The following P2RX7 variants were observed in gnomAD, a reference collection of about 807,000 sequenced individuals.
P2RX7 encodes purinergic receptor P2X 7, also known as P2X purinoceptor 7.
Under a neutral mutation model 71.6 loss-of-function variants are expected in P2RX7, and 62 were observed. The ratio of observed to expected loss-of-function variants is 0.87; its 90% CI spans 0.71 to 1.07. P2RX7 has a LOEUF of 1.07. Ranked by LOEUF, P2RX7 falls within the 50% of genes least tolerant of loss-of-function variation. The pLI, the probability that P2RX7 is intolerant of heterozygous loss-of-function variation, is 0.00. For synonymous variants in P2RX7, 299 were observed against 283.3 expected (o/e 1.06, Z -0.56); for missense variants, 686 against 748.5 (o/e 0.92, Z 0.97).
intron 5 of P2RX7, among the ~76,000 whole-genome samples, chr12:121,163,702 C>A (rs573658904): frequency 6.6e-6 from 1 of 152,290 alleles, no homozygotes; most frequent in African/African-American, 2.4e-5. Flanking sequence ...AAGCGATCCT[C>A]CTGCCTTGGC....
chr12:121,164,185 G>A (rs1311543364), intron 5 of P2RX7, among the ~76,000 whole-genome samples: 1 of 152,106 alleles, frequency 6.6e-6, no homozygotes, highest in Non-Finnish European at 1.5e-5. Context: ...CTGCCTCTGG[G>A]CTGGATTTTG....
At chr12:121,161,039 G>A (rs1879571669) in intron 4 of P2RX7, 65 bp downstream of exon 4, 6 of 1,220,658 alleles carry the variant, frequency 4.9e-6, no homozygotes. Flanking sequence ...TGACATTTGT[G>A]ATGCCCAGGT....
chr12:121,180,083 AG>A (rs1237245380), intron 11 of P2RX7, among the ~76,000 whole-genome samples: 1 of 138,784 alleles, frequency 7.2e-6, no homozygotes, highest in African/African-American at 2.7e-5. Flanking sequence ...TGGGAGGCGG[AG>A]GTTGCAGTGA....
chr12:121,155,490 C>A, intron 2 of P2RX7: 1 of 951,830 alleles, frequency 1.1e-6, no homozygotes, highest in Non-Finnish European at 1.4e-6. Context: ...GCAGAATTGC[C>A]AAAAAAGAGA....
chr12:121,163,644 GA>G (rs1880380860), intron 5 of P2RX7, among the ~76,000 whole-genome samples: 1 of 116,776 alleles, frequency 8.6e-6, no homozygotes, highest in African/African-American at 3.2e-5. Context: ...TAGATAGATA[GA>G]TAGAGTTTTG....
intron 5 of P2RX7, among the ~76,000 whole-genome samples, chr12:121,163,358 GCA>G (rs1352653146): frequency 3.1e-4 from 31 of 100,488 alleles, no homozygotes; most frequent in East Asian, 1.5e-3. Flanking sequence ...ACACACACAC[GCA>G]CACACACACA....
chr12:121,158,126 C>T lies in P2RX7; in HGVS notation c.363+1979C>T, dbSNP rs138703944. 2.0e-3 allele frequency among the ~76,000 whole-genome samples: 302 copies of T among 152,226 alleles called. 2 individuals are homozygous for T. The highest frequency in any genetic ancestry group is 5.6e-3 in the African/African-American group (234 of 41,540). On this transcript the variant is annotated intron_variant, in intron 3 of 12. Transcript: ENST00000328963. The stretch of plus-strand genomic sequence containing the variant: ...AACACCCCTCTATCTCGGGTTGTCT[C>T]GGTAAATATGACCAAGTTCCAGTTA...
chr12:121,143,081 CAA>C (rs76972263), intron 1 of P2RX7, among the ~76,000 whole-genome samples: 10 of 123,454 alleles, frequency 8.1e-5, no homozygotes, highest in Admixed American at 8.3e-5. Flanking sequence ...GACTTCATCT[CAA>C]AAAAAAAAAA....
At chr12:121,172,327 C>G (rs140224844) in intron 8 of P2RX7, among the ~76,000 whole-genome samples, 1 of 152,156 alleles carries the variant, frequency 6.6e-6, no homozygotes, top group Non-Finnish European at 1.5e-5. Context: ...TGCTTGCTTG[C>G]GAATTAAAAA....
chr12:121,156,391 C>A (rs552713696), intron 3 of P2RX7, among the ~76,000 whole-genome samples: 2 of 152,320 alleles, frequency 1.3e-5, no homozygotes, highest in East Asian at 3.9e-4. Flanking sequence ...GCACTAGGGA[C>A]CCGTGCAGAC....
intron 9 of P2RX7, among the ~76,000 whole-genome samples, chr12:121,175,691 C>A (rs997983096): frequency 6.6e-5 from 10 of 152,032 alleles, no homozygotes; most frequent in Non-Finnish European, 1.5e-4. Flanking sequence ...GAAAGCAATT[C>A]TAACATTCGG....
intron 1 of P2RX7, among the ~76,000 whole-genome samples, chr12:121,145,792 C>G (rs1263276585): frequency 6.6e-6 from 1 of 152,140 alleles, no homozygotes; most frequent in Non-Finnish European, 1.5e-5. Context: ...AGGCGTGAGC[C>G]ACCGTACCCG....
At chr12:121,137,926 C>T (rs1874040354) in intron 1 of P2RX7, among the ~76,000 whole-genome samples, 1 of 152,180 alleles carries the variant, frequency 6.6e-6, no homozygotes, top group African/African-American at 2.4e-5. Context: ...GGATACAAAG[C>T]AGGGACTGGT....
intron 1 of P2RX7, among the ~76,000 whole-genome samples, chr12:121,152,463 G>A (rs1012461957): frequency 5.3e-5 from 8 of 152,026 alleles, no homozygotes; most frequent in Non-Finnish European, 8.8e-5. Context: ...AGAGTAGCTG[G>A]GACTACAGGC....
intron 3 of P2RX7, among the ~76,000 whole-genome samples, chr12:121,158,836 G>A (rs1348843300): frequency 6.6e-6 from 1 of 152,150 alleles, no homozygotes. Context: ...CTTTCCATGA[G>A]CCACAATGAA....
At chr12:121,134,495 G>C (rs577846834) in intron 1 of P2RX7, among the ~76,000 whole-genome samples, 1 of 152,240 alleles carries the variant, frequency 6.6e-6, no homozygotes, top group South Asian at 2.1e-4. Context: ...CGGTTCAAGC[G>C]ATTCTCCTGC....
intron 5 of P2RX7, among the ~76,000 whole-genome samples, chr12:121,164,928 C>T (rs1235251035): frequency 6.6e-6 from 1 of 152,182 alleles, no homozygotes; most frequent in African/African-American, 2.4e-5. Context: ...GGGAAGCAAA[C>T]ACATCTTACC....
At chr12:121,182,944 G>A (rs528834511) in intron 12 of P2RX7, among the ~76,000 whole-genome samples, 10 of 152,104 alleles carry the variant, frequency 6.6e-5, no homozygotes, top group South Asian at 2.1e-4. Flanking sequence ...TTGGGAGGCC[G>A]AGGCAGGCGG....
At chr12:121,143,081 C>CAAA (rs76972263) in intron 1 of P2RX7, among the ~76,000 whole-genome samples, 13,881 of 123,260 alleles carry the variant, frequency 0.11, 928 homozygotes, top group African/African-American at 0.2. Context: ...GACTTCATCT[C>CAAA]AAAAAAAAAA....
Sources: allele counts gnomAD v4.1 joint callset (sites outside exome capture counted in the v4.1 genomes callset), GRCh38; gene constraint gnomAD v4.1.1; transcripts MANE v1.5; gene names NCBI Gene and HGNC (gene_info 2026-07-23, HGNC 2026-07-21).